Variants in PJA2 observed in about 807,000 individuals in gnomAD.
PJA2 encodes the protein praja ring finger ubiquitin ligase 2.
A neutral mutation model predicts 69.3 loss-of-function variants in PJA2; 25 were observed. That is an observed-to-expected ratio of 0.36 (90% CI 0.26 to 0.50). The LOEUF (loss-of-function observed/expected upper bound fraction) is 0.50. Among genes scored for constraint, PJA2 ranks in the 20% least tolerant of loss-of-function variants. PJA2 has a pLI of 0.96. For synonymous variants in PJA2, 308 were observed against 277.8 expected, an observed-to-expected ratio of 1.11 and a Z score of -1.08; for missense variants, 809 against 830.2, an observed-to-expected ratio of 0.97 and a Z score of 0.31.
chr5:109,398,326 C>A (rs1335479705), intron 1 of PJA2, among the ~76,000 whole-genome samples: 2 of 152,174 alleles, frequency 1.3e-5, no homozygotes, highest in African/African-American at 2.4e-5. Flanking sequence ...CACATGCACA[C>A]GTATGTTTAC....
At chr5:109,384,856 C>T (rs529247753) in intron 1 of PJA2, among the ~76,000 whole-genome samples, 19 of 151,914 alleles carry the variant, frequency 1.3e-4, no homozygotes, top group Non-Finnish European at 2.6e-4. Context: ...CTTGCTCTGT[C>T]GCCCAGGCTG....
At chr5:109,372,662 T>C (rs1326028726) in intron 4 of PJA2, among the ~76,000 whole-genome samples, 1 of 151,538 alleles carries the variant, frequency 6.6e-6, no homozygotes, top group Admixed American at 6.6e-5. Flanking sequence ...TCCCAGCACT[T>C]TGGGAGGTTG....
chr5:109,344,772 G>A lies in PJA2; in HGVS notation c.1812C>T (p.Ala604=). 6.2e-7 allele frequency: 1 copy of A among 1,613,998 alleles called. No homozygotes were observed. The highest frequency in any genetic ancestry group is 8.5e-7 in the Non-Finnish European group (1 of 1,179,962). The part of the protein sequence containing the change: ...LESLAVDVEV[A]NPPASKESID... ...TGCTTTCCTTACTAGCTGGTGGATT[G>A]GCCACCTCAACATCCACTGCAAGAG... The change falls in exon 8 of 10, where the codon GCC becomes GCT. Residue 604 remains alanine (A), a synonymous_variant. Transcript: ENST00000361189.
At chr5:109,355,718 T>C (rs1181683604) in intron 7 of PJA2, among the ~76,000 whole-genome samples, 197 bp downstream of exon 7, 1 of 152,194 alleles carries the variant, frequency 6.6e-6, no homozygotes. Context: ...TGAGAAATAC[T>C]GAAATTTAAG....
intron 9 of PJA2, among the ~76,000 whole-genome samples, chr5:109,340,719 T>G (rs1369856614): frequency 1.3e-5 from 1 of 77,330 alleles, no homozygotes; most frequent in African/African-American, 4.2e-5. Context: ...TGGACTGTAC[T>G]GCTGCCATCT....
intron 1 of PJA2, among the ~76,000 whole-genome samples, chr5:109,387,713 A>T (rs1213905531): frequency 6.6e-6 from 1 of 152,228 alleles, no homozygotes; most frequent in Non-Finnish European, 1.5e-5. Flanking sequence ...TTCAACCAGG[A>T]TATTATGCCA....
chr5:109,403,932 T>C (rs1747621612), intron 1 of PJA2, among the ~76,000 whole-genome samples: 1 of 151,398 alleles, frequency 6.6e-6, no homozygotes, highest in Admixed American at 6.6e-5. Flanking sequence ...TTAGCCAGGC[T>C]TGGTGGCGTG....
chr5:109,375,034 A>C (rs561223126), intron 4 of PJA2, among the ~76,000 whole-genome samples: 1 of 152,320 alleles, frequency 6.6e-6, no homozygotes, highest in East Asian at 1.9e-4. Context: ...GTACCTGTCA[A>C]ACAGCTCAGA....
Position 109,409,836 on chromosome 5 carries a change from C to T in PJA2, c.-88+6G>A, listed in dbSNP as rs1747791364. 6.4e-6 allele frequency: 1 copy of T among 155,940 alleles called. No individual in the cohort carries two copies. The highest frequency in any genetic ancestry group is 1.9e-4 in the East Asian group (1 of 5,264). The allele number at this position is 155,940 out of a possible 1,614,324, so 9.7% of individuals were successfully genotyped here. ...CAGACTGAAAAAAAAAAAAAAAAACCCTCACCGAAATGTGCAGCGGCTCCG... is the reference window on the plus strand; with the variant it reads ...CAGACTGAAAAAAAAAAAAAAAAACTCTCACCGAAATGTGCAGCGGCTCCG... On this transcript the variant is annotated splice_donor_region_variant and intron_variant, in intron 1 of 9. Coordinates refer to ENST00000361189, the MANE Select transcript of PJA2 (RefSeq NM_014819.5).
chr5:109,374,550 T>G (rs139906393), intron 4 of PJA2, among the ~76,000 whole-genome samples: 7 of 152,354 alleles, frequency 4.6e-5, no homozygotes, highest in Non-Finnish European at 8.8e-5. Flanking sequence ...CATTATGATT[T>G]GTATTAACAG....
chr5:109,358,038 T>C (rs1225830325), intron 6 of PJA2, among the ~76,000 whole-genome samples: 8 of 152,228 alleles, frequency 5.3e-5, no homozygotes, highest in African/African-American at 1.7e-4. Context: ...GTGGCTGTAA[T>C]CCCTGTTGGG....
rs1179803960 is a variant in PJA2 at position 109,384,823 on chromosome 5, CT to C, written c.-87-1304del. On this transcript the variant is annotated intron_variant, in intron 1 of 9. Coordinates refer to ENST00000361189, the MANE Select transcript of PJA2 (RefSeq NM_014819.5). ...TAGGTGCTAATTAACAGTGTTTTAA[CT>C]TTTTTTTTTTTGAGGGCGAGTCTTG... Among the ~76,000 whole-genome samples the C allele has an allele frequency of 7.9e-3, 1,161 of 146,760 alleles. 19 individuals are homozygous for C. The highest frequency in any genetic ancestry group is 0.024 in the African/African-American group (976 of 40,480).
intron 9 of PJA2, among the ~76,000 whole-genome samples, chr5:109,340,627 TCCCCCTCCCCCTCCCCCTC>T (rs1561338569): frequency 2.3e-3 from 1 of 432 alleles, no homozygotes; most frequent in Non-Finnish European, 4.1e-3. Flanking sequence ...TCCCTCCCCC[TCCCCCTCCCCCTCCCCCTC>T]CCCCTCCCCC....
intron 7 of PJA2, among the ~76,000 whole-genome samples, chr5:109,351,352 G>A (rs1253887302): frequency 1.3e-5 from 2 of 151,990 alleles, no homozygotes; most frequent in Non-Finnish European, 2.9e-5. Context: ...TCATAACTGG[G>A]AAAGGAAAAT....
chr5:109,378,370 A>G lies in PJA2; in HGVS notation c.1117T>C (p.Cys373Arg), dbSNP rs1256242638. The G allele has an allele frequency of 1.9e-6, 3 of 1,614,182 alleles. No individual in the cohort carries two copies. Among genetic ancestry groups the G allele is most frequent in the Non-Finnish European group, 2.5e-6 (3 of 1,180,014 alleles). Residue 373 changes from cysteine to arginine, a missense_variant, in exon 4 of 10, where the codon TGT becomes CGT. By Grantham distance (180) the Cys-to-Arg change is radical. Coordinates refer to ENST00000361189, the MANE Select transcript of PJA2 (RefSeq NM_014819.5). The stretch of plus-strand genomic sequence containing the variant: ...GAGTATGGTGGATCCAAGAACATAC[A>G]GTCATGCTCTCCATCATATTCTTCA... ...KCEEYDGEHD[C>R]MFLDPPYSRV...
At chr5:109,406,165 G>A (rs1032270702) in intron 1 of PJA2, among the ~76,000 whole-genome samples, 6 of 151,554 alleles carry the variant, frequency 4.0e-5, no homozygotes, top group African/African-American at 1.2e-4. Context: ...TAACTCAGCC[G>A]GAGTAGCTGG....
At position 109,365,770 on chromosome 5, in the gene PJA2, T is replaced by C. The variant is rs574076852; in HGVS notation, c.1470-2748A>G. Among the ~76,000 whole-genome samples the C allele has an allele frequency of 7.6e-4, 116 of 152,286 alleles. 1 individual carries two copies. The highest frequency in any genetic ancestry group is 2.7e-3 in the African/African-American group (113 of 41,572). On this transcript the variant is annotated intron_variant, in intron 5 of 9. Transcript: ENST00000361189. ...ATCCCTTTAATTATGCAAAGTACAA[T>C]AGTGAAAAGAATTTTTTTAGTTTCA...
chr5:109,386,853 A>G (rs986179270), intron 1 of PJA2, among the ~76,000 whole-genome samples: 1 of 109,986 alleles, frequency 9.1e-6, no homozygotes, highest in Non-Finnish European at 1.8e-5. Context: ...GAAACACCAA[A>G]TTTTTCTGTC....
intron 6 of PJA2, among the ~76,000 whole-genome samples, chr5:109,359,468 A>G (rs1221273239): frequency 6.6e-6 from 1 of 152,250 alleles, no homozygotes. Flanking sequence ...ATCAAATTTT[A>G]TATCACCAGT....
Sources: gnomAD v4.1 joint callset for allele counts (sites outside exome capture counted in the v4.1 genomes callset) on GRCh38, gnomAD v4.1.1 for gene constraint, MANE v1.5 for transcripts, NCBI Gene and HGNC (gene_info 2026-07-23, HGNC 2026-07-21) for gene names.